The following FRY variants were observed in gnomAD, a reference collection of about 807,000 sequenced individuals.
FRY encodes the protein protein furry homolog.
A neutral mutation model predicts 348.4 loss-of-function variants in FRY; 128 were observed. That is an observed-to-expected ratio of 0.37 (90% CI 0.32 to 0.43). The LOEUF (loss-of-function observed/expected upper bound fraction) is 0.43. Ranked by LOEUF, FRY falls within the 20% of genes least tolerant of loss-of-function variation. The pLI is 1.00. For synonymous variants in FRY, 1,370 were observed against 1,374.7 expected (o/e 1.00, Z 0.08); for missense variants, 2,736 against 3,695.2 (o/e 0.74, Z 6.73).
At position 32,274,669 on chromosome 13, in the gene FRY, A is replaced by G. The variant is rs547347274; in HGVS notation, c.8137-173A>G. ...CAGTGAGCCGAGATCGCGCCACTGCACTCCAGCCTGGGCGACAGAGCGAGA... is the reference window on the plus strand; with the variant it reads ...CAGTGAGCCGAGATCGCGCCACTGCGCTCCAGCCTGGGCGACAGAGCGAGA... On this transcript the variant is annotated intron_variant, in intron 55 of 60. Coordinates refer to ENST00000542859, the MANE Select transcript of FRY (RefSeq NM_023037.3). Among the ~76,000 whole-genome samples, 4 of 130,908 alleles carry G rather than the reference A, an allele frequency of 3.1e-5. No individual in the cohort carries two copies. In the South Asian group the frequency reaches 7.7e-4, roughly 25 times the overall value. The allele number at this position is 130,908 out of a possible 152,430, so 85.9% of individuals were successfully genotyped here. A position where few individuals can be genotyped will look rare whatever the true frequency, so the allele number is the denominator to read the frequency against.
chr13:32,095,934 C>A (rs1490142457), intron 2 of FRY, among the ~76,000 whole-genome samples: 2 of 151,962 alleles, frequency 1.3e-5, no homozygotes, highest in Admixed American at 6.6e-5. Flanking sequence ...ATCCTTCCTC[C>A]CCTCTTTTCT....
intron 10 of FRY, 119 bp from the exon 11 acceptor site, chr13:32,136,752 C>A: frequency 1.3e-6 from 1 of 760,548 alleles, no homozygotes; most frequent in East Asian, 2.5e-5. Context: ...TACACAGTGT[C>A]CTGTTTCTTG....
At chr13:32,139,287 C>T (rs1879908293) in intron 11 of FRY, among the ~76,000 whole-genome samples, 1 of 152,160 alleles carries the variant, frequency 6.6e-6, no homozygotes, top group African/African-American at 2.4e-5. Flanking sequence ...GCCAATTCTA[C>T]CATTTCATAA....
chr13:32,155,835 T>C (rs928921487), intron 15 of FRY, among the ~76,000 whole-genome samples, 173 bp downstream of exon 15: 1 of 152,184 alleles, frequency 6.6e-6, no homozygotes, highest in Non-Finnish European at 1.5e-5. Context: ...TACTGCTCTT[T>C]AAACTTTTTA....
At chr13:32,210,694 GA>G (rs1884635280) in intron 33 of FRY, among the ~76,000 whole-genome samples, 171 bp from the exon 34 acceptor site, 1 of 152,210 alleles carries the variant, frequency 6.6e-6, no homozygotes, top group East Asian at 1.9e-4. Context: ...CCGATGAAGA[GA>G]GGTGAATTTT....
At chr13:32,215,344 G>C (rs1431665793) in intron 35 of FRY, among the ~76,000 whole-genome samples, 8 of 152,038 alleles carry the variant, frequency 5.3e-5, no homozygotes, top group African/African-American at 1.9e-4. Context: ...ACCCTGATTT[G>C]ATATTTACAC....
At chr13:32,073,773 G>A (rs1874827083) in intron 1 of FRY, among the ~76,000 whole-genome samples, 1 of 152,202 alleles carries the variant, frequency 6.6e-6, no homozygotes, top group African/African-American at 2.4e-5. Context: ...TTACTTCTCT[G>A]AAAATCTGAT....
intron 3 of FRY, among the ~76,000 whole-genome samples, chr13:32,106,969 C>A (rs1056649203): frequency 6.6e-6 from 1 of 152,108 alleles, no homozygotes; most frequent in African/African-American, 2.4e-5. Context: ...GCTAAAACTT[C>A]ATGTTTTCTT....
intron 34 of FRY, among the ~76,000 whole-genome samples, chr13:32,211,584 G>A (rs538479767): frequency 6.6e-6 from 1 of 152,288 alleles, no homozygotes; most frequent in Non-Finnish European, 1.5e-5. Flanking sequence ...GCCGATCCCA[G>A]CCAGGACATT....
chr13:32,271,866 A>AG (rs1888220924), intron 55 of FRY, among the ~76,000 whole-genome samples: 2 of 152,228 alleles, frequency 1.3e-5, no homozygotes, highest in African/African-American at 2.4e-5. Context: ...AAGAGGGAGA[A>AG]GAAAGTACTA....
chr13:32,170,289 A>G (rs749290086), intron 17 of FRY, among the ~76,000 whole-genome samples: 9 of 152,230 alleles, frequency 5.9e-5, no homozygotes, highest in Non-Finnish European at 8.8e-5. Flanking sequence ...TATACAGTAC[A>G]GCTAAATGCA....
intron 58 of FRY, among the ~76,000 whole-genome samples, chr13:32,286,747 C>CAAAAAAAAAAAAA (rs6144991): frequency 1.3e-5 from 1 of 77,492 alleles, no homozygotes; most frequent in African/African-American, 5.8e-5. Context: ...GACTCTGTCT[C>CAAAAAAAAAAAAA]AAAAAAAAAA....
intron 31 of FRY, among the ~76,000 whole-genome samples, chr13:32,206,479 C>G (rs1326324108): frequency 2.0e-5 from 3 of 152,170 alleles, no homozygotes; most frequent in Non-Finnish European, 2.9e-5. Flanking sequence ...AGCCAGATCA[C>G]AGTGGCCTGG....
intron 7 of FRY, among the ~76,000 whole-genome samples, chr13:32,127,860 G>A (rs1879121807): frequency 6.6e-6 from 1 of 151,950 alleles, no homozygotes; most frequent in Non-Finnish European, 1.5e-5. Flanking sequence ...TGAGAATATT[G>A]AAATAGTGAA....
intron 1 of FRY, among the ~76,000 whole-genome samples, chr13:32,041,031 C>G (rs963341667): frequency 1.3e-5 from 2 of 152,180 alleles, no homozygotes; most frequent in Non-Finnish European, 2.9e-5. Flanking sequence ...AAAAGTTGCT[C>G]TAGGTGAACA....
intron 11 of FRY, among the ~76,000 whole-genome samples, chr13:32,145,169 T>G (rs1414590936): frequency 6.6e-6 from 1 of 152,210 alleles, no homozygotes; most frequent in Non-Finnish European, 1.5e-5. Flanking sequence ...AGCCAGCTAC[T>G]GACTAGTCTT....
intron 58 of FRY, among the ~76,000 whole-genome samples, chr13:32,287,249 C>G (rs1056529224): frequency 1.3e-5 from 2 of 151,854 alleles, no homozygotes; most frequent in Non-Finnish European, 2.9e-5. Context: ...TGTCATATCT[C>G]ACACTTGTTT....
chr13:32,136,865 C>T lies in FRY; in HGVS notation c.1078-6C>T. 6.7e-7 allele frequency: 1 copy of T among 1,503,528 alleles called. No homozygotes were observed. The highest frequency in any genetic ancestry group is 9.3e-7 in the Non-Finnish European group (1 of 1,079,114). 93.1% of individuals were successfully genotyped at this position (1,503,528 alleles called of 1,614,324 possible). A position where few individuals can be genotyped will look rare whatever the true frequency, so the allele number is the denominator to read the frequency against. ...GATCCTGTGACCTCCTCTCCTTTCT[C>T]CTCAGGCCTTGTACCCCCTGGTGAC... On this transcript the variant is annotated splice_region_variant and splice_polypyrimidine_tract_variant and intron_variant, in intron 10 of 60. Coordinates refer to ENST00000542859, the MANE Select transcript of FRY (RefSeq NM_023037.3).
intron 14 of FRY, among the ~76,000 whole-genome samples, chr13:32,154,691 T>C (rs1267675517): frequency 6.6e-6 from 1 of 152,246 alleles, no homozygotes; most frequent in East Asian, 1.9e-4. Flanking sequence ...TAATCGTCAT[T>C]ATTTTCTTCC....
Sources: gnomAD v4.1 joint callset for allele counts (sites outside exome capture counted in the v4.1 genomes callset) on GRCh38, gnomAD v4.1.1 for gene constraint, MANE v1.5 for transcripts, NCBI Gene and HGNC (gene_info 2026-07-23, HGNC 2026-07-21) for gene names.